SH3BP4: variants seen among roughly 807,000 people sequenced by gnomAD.
SH3BP4 encodes the protein SH3 domain-binding protein 4.
Under a neutral mutation model 65.5 loss-of-function variants are expected in SH3BP4, and 33 were observed. That is an observed-to-expected ratio of 0.50 (90% CI 0.38 to 0.67). The LOEUF (loss-of-function observed/expected upper bound fraction) is 0.67, where lower values mean the gene tolerates loss of function less well. Ranked by LOEUF, SH3BP4 falls within the 30% of genes least tolerant of loss-of-function variation. SH3BP4 has a pLI of 0.00. For missense variants in SH3BP4, 1,134 were observed against 1,261.4 expected, an observed-to-expected ratio of 0.90 and a Z score of 1.53; for synonymous variants, 552 against 545.5, an observed-to-expected ratio of 1.01 and a Z score of -0.17.
rs188929637 is a variant in SH3BP4, at chr2:234,972,839, A to G, written c.-207+20669A>G. Among the ~76,000 whole-genome samples, 177 of 152,332 alleles carry G rather than the reference A, an allele frequency of 1.2e-3. 3 individuals are homozygous for G. The highest frequency in any genetic ancestry group is 3.4e-4 in the Non-Finnish European group (23 of 68,026). On this transcript the variant is annotated intron_variant, in intron 1 of 5. Transcript: ENST00000392011. ...GACTGCAGAGAGAAGTTCCTTCCGT[A>G]AAAAGTGGGAACAAGCCTTTTTCCC...
At chr2:235,039,490 AAAAGAAAGAAAG>A (rs991527387) in intron 3 of SH3BP4, among the ~76,000 whole-genome samples, 1 of 151,874 alleles carries the variant, frequency 6.6e-6, no homozygotes, top group Non-Finnish European at 1.5e-5. Flanking sequence ...TTAAAAAAAA[AAAAGAAAGAAAG>A]AAAGAAAGAA....
Position 235,038,239 on chromosome 2 carries a change from TA to T in SH3BP4, c.119-2648del, listed in dbSNP as rs1559254034. 5.3e-4 allele frequency among the ~76,000 whole-genome samples: 18 copies of T among 34,112 alleles called. 2 individuals carry two copies. The highest frequency in any genetic ancestry group is 3.2e-3 in the African/African-American group (13 of 4,096). The allele number at this position is 34,112 out of a possible 152,430, so 22.4% of individuals were successfully genotyped here. On this transcript the variant is annotated intron_variant, in intron 3 of 5. Transcript: ENST00000392011. The stretch of plus-strand genomic sequence containing the variant: ...ATATATATAAAGGATATATGTATTT[TA>T]TATATATATTATATATAATATATAT...
chr2:235,052,463 G>C lies in SH3BP4; in HGVS notation c.2479-99G>C. The C allele has an allele frequency of 3.4e-6, 3 of 874,790 alleles. No homozygotes were observed. Among genetic ancestry groups the C allele is most frequent in the Non-Finnish European group, 5.1e-6 (3 of 587,978 alleles). The allele number at this position is 874,790 out of a possible 1,614,324, so 54.2% of individuals were successfully genotyped here. On this transcript the variant is annotated intron_variant, in intron 4 of 5. Transcript: ENST00000392011. This position sits in a 1 kb window ranked among gnomAD's most constrained non-coding sequence, Gnocchi z 5.0. ...GGCCAGGGAACATGGAGAATAGAGA[G>C]CCCATGGCCATTCCTGCGCCGTCTG... is the stretch of plus-strand genomic sequence containing the variant.
intron 4 of SH3BP4, among the ~76,000 whole-genome samples, chr2:235,043,986 G>C (rs1479914837): frequency 1.3e-5 from 2 of 152,238 alleles, no homozygotes; most frequent in African/African-American, 4.8e-5. Flanking sequence ...TGCGGGTGGG[G>C]GCAGAAGGCG....
At chr2:235,021,541 C>T (rs1238742367) in intron 2 of SH3BP4, among the ~76,000 whole-genome samples, 7 of 150,036 alleles carry the variant, frequency 4.7e-5, no homozygotes, top group Non-Finnish European at 1.0e-4. Context: ...ATCCCTTGAA[C>T]TTAGGAGGCA....
At position 235,055,455 on chromosome 2, in the gene SH3BP4, C is replaced by T. The variant is rs1696195412; in HGVS notation, c.*1639C>T. On this transcript the variant is annotated 3_prime_UTR_variant, in exon 6 of 6. Coordinates refer to ENST00000392011, the MANE Select transcript of SH3BP4 (RefSeq NM_014521.3). ...TCCCACCATATAACCTTCGATTGTGCTTCTCAACTCCACCCCATAATTTCT... is the reference window on the plus strand; with the variant it reads ...TCCCACCATATAACCTTCGATTGTGTTTCTCAACTCCACCCCATAATTTCT... The T allele has an allele frequency of 6.6e-6, 1 of 152,590 alleles. No individual in the cohort carries two copies. Among genetic ancestry groups the T allele is most frequent in the South Asian group, 2.1e-4 (1 of 4,822 alleles). The allele number at this position is 152,590 out of a possible 1,614,324, so 9.5% of individuals were successfully genotyped here. A position where few individuals can be genotyped will look rare whatever the true frequency, so the allele number is the denominator to read the frequency against.
rs563169907 is a variant in SH3BP4 at position 235,033,460 on chromosome 2, C to G, written c.-132-1411C>G. On this transcript the variant is annotated intron_variant, in intron 2 of 5. Transcript: ENST00000392011. This position sits in a 1 kb window ranked among gnomAD's most constrained non-coding sequence, Gnocchi z 5.7. ...GGACAGACCTTCAACATAGGAGTTT[C>G]GGGAAACACAGTTCAGTCCGTAACA... Among the ~76,000 whole-genome samples, 2 of 152,216 alleles carry G rather than the reference C, an allele frequency of 1.3e-5. No homozygotes were observed. Among genetic ancestry groups the G allele is most frequent in the African/African-American group, 2.4e-5 (1 of 41,462 alleles).
At chr2:234,986,690 T>C (rs1693569768) in intron 1 of SH3BP4, among the ~76,000 whole-genome samples, 1 of 152,214 alleles carries the variant, frequency 6.6e-6, no homozygotes, top group South Asian at 2.1e-4. Flanking sequence ...AGTTCTCTTA[T>C]CTGCTAAATG....
Position 235,034,162 on chromosome 2 carries a change from C to G in SH3BP4, c.-132-709C>G, listed in dbSNP as rs778348849. Among the ~76,000 whole-genome samples, 1 of 151,748 alleles carries G rather than the reference C, an allele frequency of 6.6e-6. No individual in the cohort carries two copies. Among genetic ancestry groups the G allele is most frequent in the Non-Finnish European group, 1.5e-5 (1 of 67,924 alleles). On this transcript the variant is annotated intron_variant, in intron 2 of 5. Coordinates refer to ENST00000392011, the MANE Select transcript of SH3BP4 (RefSeq NM_014521.3). The surrounding 1 kb of genome is among the most constrained non-coding windows in gnomAD (Gnocchi z 6.2). ...CTTCAGTCCTGTCTGTGCGCCCTTC[C>G]AGAAAAAAAAAGCAGAGGCCTTAGG...
chr2:235,042,887 C>T lies in SH3BP4; in HGVS notation c.2118C>T (p.Tyr706=), dbSNP rs1333239563. ...QLWTKEWYIG[Y]YQGRVGLVHT... ...GGACCAAGGAGTGGTACATCGGCTA[C>T]TACCAGGGCAGGGTGGGCCTCGTGC... Residue 706 remains tyrosine (Y), a synonymous_variant, in exon 4 of 6, where the codon TAC becomes TAT. Transcript: ENST00000392011. The surrounding 1 kb of genome is among the most constrained non-coding windows in gnomAD (Gnocchi z 7.3). 6.2e-7 allele frequency: 1 copy of T among 1,613,536 alleles called. No homozygotes were observed. Among genetic ancestry groups the T allele is most frequent in the South Asian group, 1.1e-5 (1 of 91,074 alleles).
intron 1 of SH3BP4, among the ~76,000 whole-genome samples, chr2:234,970,797 G>T (rs1692978929): frequency 6.6e-6 from 1 of 152,044 alleles, no homozygotes; most frequent in Non-Finnish European, 1.5e-5. Flanking sequence ...TAGCGCTGGG[G>T]ATCAGGATCA....
intron 2 of SH3BP4, among the ~76,000 whole-genome samples, chr2:235,013,747 A>AT (rs1176081425): frequency 6.6e-6 from 1 of 152,084 alleles, no homozygotes; most frequent in African/African-American, 2.4e-5. Flanking sequence ...TTCCTAGTTA[A>AT]TTGCAATGTT....
intron 2 of SH3BP4, among the ~76,000 whole-genome samples, chr2:235,025,517 C>G (rs184031945): frequency 6.6e-6 from 1 of 152,194 alleles, no homozygotes; most frequent in Non-Finnish European, 1.5e-5. Context: ...AACAGTCATC[C>G]GTGCCACAGA....
At chr2:235,050,089 C>A (rs1193578767) in intron 4 of SH3BP4, among the ~76,000 whole-genome samples, 1 of 152,126 alleles carries the variant, frequency 6.6e-6, no homozygotes, top group Non-Finnish European at 1.5e-5. Context: ...GAGTGTCTGG[C>A]TCACAGCAAG....
chr2:235,039,748 C>T (rs1370127464), intron 3 of SH3BP4, among the ~76,000 whole-genome samples: 1 of 152,126 alleles, frequency 6.6e-6, no homozygotes, highest in Non-Finnish European at 1.5e-5. Context: ...TTTCATTTGC[C>T]GTCTACATTG....
intron 4 of SH3BP4, among the ~76,000 whole-genome samples, chr2:235,051,867 C>T (rs1163421033): frequency 6.6e-6 from 1 of 152,216 alleles, no homozygotes; most frequent in Non-Finnish European, 1.5e-5. Context: ...TGGTGAAATG[C>T]ATTCGTTTCT....
chr2:234,956,116 G>A (rs1027633000), intron 1 of SH3BP4, among the ~76,000 whole-genome samples: 1 of 152,168 alleles, frequency 6.6e-6, no homozygotes, highest in Non-Finnish European at 1.5e-5. Context: ...AACATGTGAC[G>A]CTTTCTCAGC....
chr2:235,002,104 G>A (rs373905559), intron 2 of SH3BP4, among the ~76,000 whole-genome samples: 52 of 152,224 alleles, frequency 3.4e-4, no homozygotes, highest in African/African-American at 1.2e-3. Flanking sequence ...CAGGCGACCC[G>A]CCCGCCTCGG....
Position 235,042,071 on chromosome 2 carries a change from T to C in SH3BP4, c.1302T>C (p.Cys434=). ...PYVSVPLNCS[C]GDTVQAQLHN... ...TCTCCGTCCCGCTCAACTGCAGCTG[T>C]GGGGACACGGTCCAGGCACAGCTGC... Residue 434 remains cysteine (C), a synonymous_variant, in exon 4 of 6, where the codon TGT becomes TGC. Coordinates refer to ENST00000392011, the MANE Select transcript of SH3BP4 (RefSeq NM_014521.3). This position sits in a 1 kb window ranked among gnomAD's most constrained non-coding sequence, Gnocchi z 7.3. The C allele has an allele frequency of 6.2e-7, 1 of 1,614,010 alleles. No homozygotes were observed.
Sources: gnomAD v4.1 joint callset for allele counts (sites outside exome capture counted in the v4.1 genomes callset) on GRCh38, gnomAD v4.1.1 for gene constraint, Gnocchi (gnomAD v3.1) non-coding constraint, MANE v1.5 for transcripts, NCBI Gene and HGNC (gene_info 2026-07-23, HGNC 2026-07-21) for gene names.